Variants in NOTCH2 observed in about 807,000 individuals in gnomAD.
The protein encoded by NOTCH2 is notch receptor 2, also known as neurogenic locus notch homolog protein 2.
NOTCH2 carries 29 observed loss-of-function variants against 235.8 expected under a neutral mutation model. The ratio of observed to expected loss-of-function variants is 0.12; its 90% confidence interval spans 0.09 to 0.17. The LOEUF (loss-of-function observed/expected upper bound fraction) is 0.17. Ranked by LOEUF, NOTCH2 falls within the 10% of genes least tolerant of loss-of-function variation. The probability of loss-of-function intolerance (pLI) is 1.00; values close to 1 mark genes in which losing one functional copy is unlikely to be tolerated. For synonymous variants in NOTCH2, 1,086 were observed against 1,141.5 expected, an observed-to-expected ratio of 0.95 and a Z score of 0.98; for missense variants, 2,285 against 3,150.2, an observed-to-expected ratio of 0.73 and a Z score of 6.57.
At chr1:119,918,730 G>T (rs759907530) in intron 31 of NOTCH2, among the ~76,000 whole-genome samples, 177 bp from the exon 32 acceptor site, 1 of 152,134 alleles carries the variant, frequency 6.6e-6, no homozygotes, top group Non-Finnish European at 1.5e-5. Context: ...AATATTTGTT[G>T]CATGAATAAA....
intron 26 of NOTCH2, 141 bp from the exon 27 acceptor site, chr1:119,922,919 G>T: frequency 2.1e-6 from 2 of 948,346 alleles, no homozygotes; most frequent in Non-Finnish European, 3.3e-6. Context: ...CTGGGATGCT[G>T]CCTTAAGACA....
intron 11 of NOTCH2, among the ~76,000 whole-genome samples, chr1:119,961,034 T>C (rs998194426): frequency 1.3e-5 from 2 of 152,210 alleles, no homozygotes; most frequent in African/African-American, 4.8e-5. Context: ...CAAAGTACGC[T>C]GCTTTGCCTG....
Position 119,964,172 on chromosome 1 carries a change from C to A in NOTCH2, c.1682-365G>T, listed in dbSNP as rs587771721. On this transcript the variant is annotated intron_variant, in intron 10 of 33. Coordinates refer to ENST00000256646, the MANE Select transcript of NOTCH2 (RefSeq NM_024408.4). ...TTTCTTTCTTCCCAAGTCCAATATA[C>A]AGGTTAATGATTTCATGTATCTTAT... is the stretch of plus-strand genomic sequence containing the variant. 5.0e-4 allele frequency among the ~76,000 whole-genome samples: 76 copies of A among 152,228 alleles called. 2 individuals carry two copies. Among genetic ancestry groups the A allele is most frequent in the African/African-American group, 1.8e-3 (74 of 41,546 alleles).
chr1:119,988,066 G>A (rs1212976728), intron 4 of NOTCH2, among the ~76,000 whole-genome samples: 5 of 152,112 alleles, frequency 3.3e-5, no homozygotes, highest in East Asian at 3.9e-4. Flanking sequence ...TGGCTTCCTC[G>A]AAATATCCCT....
At chr1:119,946,807 C>G (rs1414185793) in intron 17 of NOTCH2, among the ~76,000 whole-genome samples, 3 of 151,948 alleles carry the variant, frequency 2.0e-5, no homozygotes, top group African/African-American at 7.2e-5. Context: ...TATTGAAGAT[C>G]TTAGTACAAT....
chr1:120,047,980 C>A (rs1772483), intron 1 of NOTCH2, among the ~76,000 whole-genome samples: 7 of 150,918 alleles, frequency 4.6e-5, no homozygotes, highest in Non-Finnish European at 1.0e-4. Flanking sequence ...ATTGGCCAGG[C>A]TGGTCTTGAA....
At chr1:120,066,082 A>G (rs1553217030) in intron 1 of NOTCH2, among the ~76,000 whole-genome samples, 1 of 152,074 alleles carries the variant, frequency 6.6e-6, no homozygotes, top group Admixed American at 6.6e-5. Flanking sequence ...ATCTAAATAT[A>G]TGAAGCCCTT....
intron 23 of NOTCH2, among the ~76,000 whole-genome samples, chr1:119,927,078 T>C (rs1649501130): frequency 6.6e-6 from 1 of 152,226 alleles, no homozygotes; most frequent in Non-Finnish European, 1.5e-5. Context: ...GATACCTCAT[T>C]TCAATCACTT....
At chr1:119,939,921 A>G (rs1553196256) in intron 19 of NOTCH2, among the ~76,000 whole-genome samples, 1 of 152,240 alleles carries the variant, frequency 6.6e-6, no homozygotes, top group Non-Finnish European at 1.5e-5. Context: ...TTATTATTCT[A>G]TCACTATTAA....
intron 2 of NOTCH2, among the ~76,000 whole-genome samples, chr1:120,023,592 A>C (rs1289307913): frequency 2.4e-5 from 3 of 123,382 alleles, no homozygotes; most frequent in Admixed American, 7.6e-5. Context: ...TAAAATTTTG[A>C]TAATTTTCAA....
intron 23 of NOTCH2, 94 bp downstream of exon 23, chr1:119,928,882 C>T (rs1422844703): frequency 1.1e-5 from 11 of 1,047,518 alleles, no homozygotes; most frequent in Non-Finnish European, 1.6e-5. Flanking sequence ...ATAAGAAAAG[C>T]TTCACTTGGG....
At chr1:119,964,798 G>C (rs1296506063) in intron 10 of NOTCH2, among the ~76,000 whole-genome samples, 1 of 152,020 alleles carries the variant, frequency 6.6e-6, no homozygotes, top group Non-Finnish European at 1.5e-5. Flanking sequence ...TATAATATTT[G>C]CCTGTGTAAA....
intron 3 of NOTCH2, among the ~76,000 whole-genome samples, chr1:120,002,834 G>A (rs4067831): frequency 6.8e-6 from 1 of 147,860 alleles, no homozygotes; most frequent in Admixed American, 6.6e-5. Context: ...GCTGGGGACT[G>A]GTGTGTTTCC....
chr1:119,920,465 C>A, intron 29 of NOTCH2, 68 bp from the exon 30 acceptor site: 1 of 1,540,390 alleles, frequency 6.5e-7, no homozygotes, highest in Middle Eastern at 1.9e-4. Flanking sequence ...AGAAGGTGTC[C>A]AGAGCCTCCA....
chr1:119,977,730 C>T (rs1030323407), intron 5 of NOTCH2, among the ~76,000 whole-genome samples: 7 of 152,136 alleles, frequency 4.6e-5, no homozygotes, highest in Admixed American at 2.6e-4. Flanking sequence ...AGTACAAACT[C>T]GGTACACACT....
intron 11 of NOTCH2, 27 bp from the exon 12 acceptor site, chr1:119,959,529 A>G: frequency 8.3e-7 from 1 of 1,201,870 alleles, no homozygotes; most frequent in Non-Finnish European, 1.2e-6. Context: ...AACGGAAACC[A>G]TTCAATGTTA....
At chr1:119,985,716 C>T (rs1651994814) in intron 5 of NOTCH2, among the ~76,000 whole-genome samples, 2 of 152,068 alleles carry the variant, frequency 1.3e-5, no homozygotes, top group Non-Finnish European at 2.9e-5. Flanking sequence ...TACTATATGT[C>T]ATGTAATTAA....
At position 119,965,534 on chromosome 1, in the gene NOTCH2, C is replaced by T; in HGVS notation, c.1600G>A (p.Asp534Asn). The T allele has an allele frequency of 6.2e-7, 1 of 1,614,024 alleles. No homozygotes were observed. The highest frequency in any genetic ancestry group is 1.1e-5 in the South Asian group (1 of 91,084). ...AGACACGGAGTACTGGAACAGTCAT[C>T]AATATCAATCTGGCAAACTGGCCCA... ...FTGPVCQIDIDDCSSTPCLNG... is the reference protein window; with the variant it reads ...FTGPVCQIDINDCSSTPCLNG... Residue 534 changes from aspartate (D) to asparagine (N), a missense_variant, in exon 10 of 34, where the codon GAT becomes AAT. Asp to Asn is a conservative substitution (Grantham distance 23). Coordinates refer to ENST00000256646, the MANE Select transcript of NOTCH2 (RefSeq NM_024408.4).
chr1:119,973,773 T>C (rs1433657915), intron 5 of NOTCH2, among the ~76,000 whole-genome samples: 2 of 152,084 alleles, frequency 1.3e-5, no homozygotes, highest in African/African-American at 4.8e-5. Context: ...TCTACGGTCA[T>C]TGAGCTTATC....
Sources: gnomAD v4.1 joint callset for allele counts (sites outside exome capture counted in the v4.1 genomes callset) on GRCh38, gnomAD v4.1.1 for gene constraint, MANE v1.5 for transcripts, NCBI Gene and HGNC (gene_info 2026-07-23, HGNC 2026-07-21) for gene names.